The following ATP8B1 variants were observed in gnomAD, a reference collection of about 807,000 sequenced individuals.
ATP8B1 encodes phospholipid-transporting ATPase IC.
Under a neutral mutation model 149.9 loss-of-function variants are expected in ATP8B1, and 80 were observed. That is an observed-to-expected ratio of 0.53 (90% CI 0.45 to 0.64). The LOEUF is 0.64. Among genes scored for constraint, ATP8B1 ranks in the 30% least tolerant of loss-of-function variants. The probability of loss-of-function intolerance (pLI) is 0.00; values close to 1 mark genes in which losing one functional copy is unlikely to be tolerated. For missense variants in ATP8B1, 1,247 were observed against 1,552.6 expected (o/e 0.80, Z 3.31); for synonymous variants, 536 against 562.8 (o/e 0.95, Z 0.67).
rs1349895511 is a variant in ATP8B1 at position 57,648,684 on chromosome 18, G to T, written c.3560C>A (p.Ala1187Glu). ...CTGCCGTCGCTGCCACTGCTCCTCC[G>T]CCTTCAACCGCTTGCGATGCTTCTG... ...KIQKHRKRLK[A>E]EEQWQRRQQV... Residue 1187 changes from alanine to glutamate, a missense_variant, in exon 28 of 28, where the codon GCG (alanine) becomes GAG (glutamate). Transcript: ENST00000648908. 53 of 1,561,720 alleles carry T rather than the reference G, an allele frequency of 3.4e-5. No individual in the cohort carries two copies. The highest frequency in any genetic ancestry group is 4.3e-5 in the Non-Finnish European group (50 of 1,153,864).
chr18:57,648,819 GC>G, intron 27 of ATP8B1, 107 bp from the exon 28 acceptor site: 1 of 1,072,194 alleles, frequency 9.3e-7, no homozygotes. Context: ...CCTGACACCT[GC>G]CCCATTTTGA....
At chr18:57,733,867 C>T (rs79700983) in intron 1 of ATP8B1, among the ~76,000 whole-genome samples, 1,887 of 144,404 alleles carry the variant, frequency 0.013, 37 homozygotes, top group African/African-American at 0.046. Context: ...AATCTTAGAT[C>T]TCTAAAATAA....
At chr18:57,687,307 A>C (rs1231271014) in intron 13 of ATP8B1, among the ~76,000 whole-genome samples, 2 of 152,174 alleles carry the variant, frequency 1.3e-5, no homozygotes, top group African/African-American at 4.8e-5. Flanking sequence ...TGATTATTCT[A>C]AGTACTTCAT....
chr18:57,691,602 A>G (rs2122869371), intron 12 of ATP8B1, among the ~76,000 whole-genome samples: 1 of 152,342 alleles, frequency 6.6e-6, no homozygotes, highest in East Asian at 1.9e-4. Flanking sequence ...TGCAAACAGG[A>G]TGAGATAAAA....
Position 57,730,893 on chromosome 18 carries a change from A to G in ATP8B1, c.181+734T>C, listed in dbSNP as rs2079757731. On this transcript the variant is annotated intron_variant, in intron 2 of 27. Coordinates refer to ENST00000648908, the MANE Select transcript of ATP8B1 (RefSeq NM_001374385.1). ...GTTATTTATATAACTCATACCGCCAATTTAACAATACTAATAGTTAACATC... is the reference window on the plus strand; with the variant it reads ...GTTATTTATATAACTCATACCGCCAGTTTAACAATACTAATAGTTAACATC... Among the ~76,000 whole-genome samples, 3 of 152,042 alleles carry G rather than the reference A, an allele frequency of 2.0e-5. No individual in the cohort carries two copies. The South Asian group carries it at 6.2e-4, about 31-fold the overall frequency.
At chr18:57,655,943 G>A (rs1374451601) in intron 22 of ATP8B1, among the ~76,000 whole-genome samples, 1 of 152,194 alleles carries the variant, frequency 6.6e-6, no homozygotes, top group African/African-American at 2.4e-5. Context: ...CCACTGTTTA[G>A]ATCCACTTAT....
intron 3 of ATP8B1, among the ~76,000 whole-genome samples, chr18:57,705,554 GAC>G (rs967647661): frequency 6.6e-5 from 10 of 152,162 alleles, no homozygotes; most frequent in Non-Finnish European, 1.3e-4. Context: ...GTTGCACACA[GAC>G]ACACACAGGA....
rs1261649324 is a variant in ATP8B1, at chr18:57,802,275, A to C, written c.-26+723T>G. Among the ~76,000 whole-genome samples the C allele has an allele frequency of 6.6e-6, 1 of 152,200 alleles. No individual in the cohort carries two copies. Among genetic ancestry groups the C allele is most frequent in the East Asian group, 1.9e-4 (1 of 5,182 alleles). On this transcript the variant is annotated intron_variant, in intron 1 of 27. Coordinates refer to ENST00000648908, the MANE Select transcript of ATP8B1 (RefSeq NM_001374385.1). This position sits in a 1 kb window ranked among gnomAD's most constrained non-coding sequence, Gnocchi z 4.9. ...CTCCTCGTGCACACAGCGAGGTGACAGCGCAGGGCACCAAACTGCTGAGGG... is the reference window on the plus strand; with the variant it reads ...CTCCTCGTGCACACAGCGAGGTGACCGCGCAGGGCACCAAACTGCTGAGGG...
At chr18:57,667,792 A>AT (rs1005909431) in intron 19 of ATP8B1, among the ~76,000 whole-genome samples, 1 of 151,688 alleles carries the variant, frequency 6.6e-6, no homozygotes, top group African/African-American at 2.4e-5. Context: ...TTACGTGAAG[A>AT]TTTTTTTTCC....
chr18:57,790,345 C>T (rs1183483823), intron 1 of ATP8B1, among the ~76,000 whole-genome samples: 2 of 145,506 alleles, frequency 1.4e-5, no homozygotes, highest in African/African-American at 5.0e-5. Context: ...TTCCCCATAT[C>T]GCAGTCTCTG....
chr18:57,754,052 A>T (rs2080052757), intron 1 of ATP8B1, among the ~76,000 whole-genome samples: 1 of 138,906 alleles, frequency 7.2e-6, no homozygotes, highest in African/African-American at 2.9e-5. Flanking sequence ...CTCCATTTGC[A>T]TTGGACTTGA....
Position 57,675,489 on chromosome 18 carries a change from C to T in ATP8B1, c.1631-467G>A, listed in dbSNP as rs997333175. ...TGTTATCATTTTCCCATTACAGACA[C>T]TTAATTTCCAAATTTTTTTACTCTC... On this transcript the variant is annotated intron_variant, in intron 15 of 27. Coordinates refer to ENST00000648908, the MANE Select transcript of ATP8B1 (RefSeq NM_001374385.1). Among the ~76,000 whole-genome samples the T allele has an allele frequency of 1.1e-4, 16 of 152,196 alleles. 1 individual carries two copies. The highest frequency in any genetic ancestry group is 4.1e-4 in the South Asian group (2 of 4,834).
intron 1 of ATP8B1, among the ~76,000 whole-genome samples, chr18:57,742,544 T>C (rs2123216424): frequency 6.6e-6 from 1 of 152,204 alleles, no homozygotes; most frequent in South Asian, 2.1e-4. Context: ...CAAAGGAAGA[T>C]TGGCTGCCTG....
chr18:57,762,548 G>A (rs534304027), intron 1 of ATP8B1, among the ~76,000 whole-genome samples: 6 of 152,170 alleles, frequency 3.9e-5, no homozygotes, highest in Non-Finnish European at 8.8e-5. Flanking sequence ...GACACACATG[G>A]TACCTAGTTG....
intron 17 of ATP8B1, among the ~76,000 whole-genome samples, chr18:57,671,081 A>G (rs1283623648): frequency 6.6e-6 from 1 of 152,218 alleles, no homozygotes; most frequent in Non-Finnish European, 1.5e-5. Flanking sequence ...CCTGTCACAT[A>G]TGAATGCTTT....
chr18:57,683,997 C>T, intron 15 of ATP8B1, 39 bp downstream of exon 15: 9 of 1,613,790 alleles, frequency 5.6e-6, no homozygotes, highest in Non-Finnish European at 6.8e-6. Flanking sequence ...AAACAAAAAA[C>T]CTGGTCTCTA....
rs549176814 is a variant in ATP8B1, at chr18:57,719,610, C to T, written c.181+12017G>A. ...CCCACACCTGGCTCGGAGGGTCCTA[C>T]GCCCACGGAATCTCACTGATTGCTA... On this transcript the variant is annotated intron_variant, in intron 2 of 27. Coordinates refer to ENST00000648908, the MANE Select transcript of ATP8B1 (RefSeq NM_001374385.1). Among the ~76,000 whole-genome samples, 13 of 152,320 alleles carry T rather than the reference C, an allele frequency of 8.5e-5. No homozygotes were observed. In the East Asian group the frequency reaches 1.2e-3, roughly 14 times the overall value.
chr18:57,759,342 C>G (rs1791206588), intron 1 of ATP8B1, among the ~76,000 whole-genome samples: 1 of 152,070 alleles, frequency 6.6e-6, no homozygotes, highest in Non-Finnish European at 1.5e-5. Flanking sequence ...TTATCAACCT[C>G]TAGGCGAGAT....
At chr18:57,759,585 G>A (rs1269590943) in intron 1 of ATP8B1, among the ~76,000 whole-genome samples, 1 of 152,030 alleles carries the variant, frequency 6.6e-6, no homozygotes, top group Non-Finnish European at 1.5e-5. Flanking sequence ...TGAGGCGGGC[G>A]GATCACGAGG....
Sources: allele counts gnomAD v4.1 joint callset (sites outside exome capture counted in the v4.1 genomes callset), GRCh38; gene constraint gnomAD v4.1.1; non-coding constraint Gnocchi (gnomAD v3.1); transcripts MANE v1.5; gene names NCBI Gene and HGNC (gene_info 2026-07-23, HGNC 2026-07-21).